PRKG1: variants seen among roughly 807,000 people sequenced by gnomAD.
PRKG1 encodes the protein cGMP-dependent protein kinase 1.
A neutral mutation model predicts 88.1 loss-of-function variants in PRKG1; 35 were observed. The ratio of observed to expected loss-of-function variants is 0.40; its 90% CI spans 0.30 to 0.53. PRKG1 has a LOEUF of 0.53. Among genes scored for constraint, PRKG1 ranks in the 20% least tolerant of loss-of-function variants. The probability of loss-of-function intolerance (pLI) is 0.59; values close to 1 mark genes in which losing one functional copy is unlikely to be tolerated. For synonymous variants in PRKG1, 303 were observed against 292.5 expected, an observed-to-expected ratio of 1.04 and a Z score of -0.37; for missense variants, 540 against 839.8, an observed-to-expected ratio of 0.64 and a Z score of 4.41.
At chr10:51,492,404 G>A (rs1201074917) in intron 3 of PRKG1, among the ~76,000 whole-genome samples, 1 of 152,084 alleles carries the variant, frequency 6.6e-6, no homozygotes, top group Non-Finnish European at 1.5e-5. Flanking sequence ...ATTAGGTGTT[G>A]AGGCAACATA....
At chr10:51,539,324 G>C (rs1433411223) in intron 3 of PRKG1, among the ~76,000 whole-genome samples, 2 of 152,046 alleles carry the variant, frequency 1.3e-5, no homozygotes, top group Non-Finnish European at 2.9e-5. Flanking sequence ...CTAAAGGAAA[G>C]GTGAAAGAGT....
intron 2 of PRKG1, among the ~76,000 whole-genome samples, chr10:51,311,829 G>A (rs1301635373): frequency 2.6e-5 from 4 of 152,156 alleles, no homozygotes; most frequent in Non-Finnish European, 5.9e-5. Context: ...ACTATGGAAA[G>A]GAGGGCCTGG....
At chr10:52,063,845 G>C (rs1846294322) in intron 7 of PRKG1, among the ~76,000 whole-genome samples, 1 of 152,064 alleles carries the variant, frequency 6.6e-6, no homozygotes, top group Non-Finnish European at 1.5e-5. Context: ...GCAGCTCTCA[G>C]CAGAGAGGAG....
At chr10:51,975,696 A>G (rs1162001168) in intron 5 of PRKG1, among the ~76,000 whole-genome samples, 1 of 151,970 alleles carries the variant, frequency 6.6e-6, no homozygotes, top group African/African-American at 2.4e-5. Flanking sequence ...AAAGTATAAA[A>G]CTCTTAGAAG....
chr10:51,733,001 G>C (rs1245816019), intron 3 of PRKG1, among the ~76,000 whole-genome samples: 2 of 151,848 alleles, frequency 1.3e-5, no homozygotes, highest in Non-Finnish European at 2.9e-5. Context: ...CCACCCTTTG[G>C]CTGTGTCCTC....
intron 2 of PRKG1, among the ~76,000 whole-genome samples, chr10:51,394,486 G>A (rs141467058): frequency 9.3e-4 from 141 of 152,284 alleles, no homozygotes; most frequent in Middle Eastern, 3.4e-3. Context: ...TCCATGTCCT[G>A]TTGATTAGCA....
intron 2 of PRKG1, among the ~76,000 whole-genome samples, chr10:51,316,685 A>AAAATAAATAAATAAATAAAT (rs139669190): frequency 0.027 from 4,050 of 150,940 alleles, 92 homozygotes; most frequent in South Asian, 0.056. Flanking sequence ...TCCGTCTCAA[A>AAAATAAATAAATAAATAAAT]AAATAAATAA....
chr10:51,596,877 C>T (rs1375113514), intron 3 of PRKG1, among the ~76,000 whole-genome samples: 2 of 152,090 alleles, frequency 1.3e-5, no homozygotes, highest in African/African-American at 4.8e-5. Context: ...CTAACAGTGG[C>T]CAGTGCTGTT....
chr10:51,175,722 T>C (rs1396261383), intron 2 of PRKG1, among the ~76,000 whole-genome samples: 1 of 152,040 alleles, frequency 6.6e-6, no homozygotes, highest in Non-Finnish European at 1.5e-5. Flanking sequence ...AAAATGTGAG[T>C]CCTGGACCAG....
chr10:52,201,327 T>C (rs190501507), intron 9 of PRKG1, among the ~76,000 whole-genome samples: 3 of 152,312 alleles, frequency 2.0e-5, no homozygotes, highest in East Asian at 1.9e-4. Flanking sequence ...TCTCCATTGA[T>C]TGTTTACATT....
intron 2 of PRKG1, among the ~76,000 whole-genome samples, chr10:51,333,244 C>T (rs1841786447): frequency 6.6e-6 from 1 of 152,234 alleles, no homozygotes; most frequent in Non-Finnish European, 1.5e-5. Context: ...CAATGTGTGA[C>T]ACTGGCTATC....
At chr10:51,473,360 A>G (rs1016940316) in intron 3 of PRKG1, among the ~76,000 whole-genome samples, 1 of 151,860 alleles carries the variant, frequency 6.6e-6, no homozygotes, top group African/African-American at 2.4e-5. Flanking sequence ...GAGGCAAACT[A>G]TTATTGAACT....
intron 5 of PRKG1, among the ~76,000 whole-genome samples, chr10:52,039,637 C>A (rs989963620): frequency 6.6e-6 from 1 of 152,124 alleles, no homozygotes; most frequent in African/African-American, 2.4e-5. Context: ...CACCTCAGCT[C>A]ATTCCTGAGG....
chr10:51,819,273 A>G (rs2132724366), intron 4 of PRKG1, among the ~76,000 whole-genome samples: 1 of 151,964 alleles, frequency 6.6e-6, no homozygotes, highest in Non-Finnish European at 1.5e-5. Context: ...TTTAGCAACC[A>G]GCTTTCACAG....
intron 6 of PRKG1, among the ~76,000 whole-genome samples, chr10:52,059,663 T>C (rs1439045411): frequency 2.0e-5 from 3 of 151,820 alleles, no homozygotes; most frequent in African/African-American, 7.2e-5. Flanking sequence ...GTGAAGGAGT[T>C]TCTGGAGGTG....
chr10:52,031,300 G>T (rs2133209816), intron 5 of PRKG1, among the ~76,000 whole-genome samples: 1 of 152,076 alleles, frequency 6.6e-6, no homozygotes, highest in East Asian at 1.9e-4. Context: ...AAGCTTTCAG[G>T]GAATAATATA....
At chr10:51,700,255 T>C (rs1315450565) in intron 3 of PRKG1, among the ~76,000 whole-genome samples, 1 of 152,200 alleles carries the variant, frequency 6.6e-6, no homozygotes, top group African/African-American at 2.4e-5. Flanking sequence ...AATGGATGGG[T>C]GGCAGACCCT....
At chr10:52,039,126 T>C (rs2133226237) in intron 5 of PRKG1, among the ~76,000 whole-genome samples, 1 of 152,240 alleles carries the variant, frequency 6.6e-6, no homozygotes, top group Non-Finnish European at 1.5e-5. Context: ...TGCACGTCCG[T>C]GTGAAGAGAC....
chr10:51,750,725 C>T (rs1837702663), intron 3 of PRKG1, among the ~76,000 whole-genome samples: 1 of 152,150 alleles, frequency 6.6e-6, no homozygotes, highest in Admixed American at 6.5e-5. Flanking sequence ...CTTTCAAAAG[C>T]ATTTTCTTCC....
Sources: allele counts gnomAD v4.1 joint callset (sites outside exome capture counted in the v4.1 genomes callset), GRCh38; gene constraint gnomAD v4.1.1; transcripts MANE v1.5; gene names NCBI Gene and HGNC (gene_info 2026-07-23, HGNC 2026-07-21).